Variants in LRP1B observed in about 807,000 individuals in gnomAD.
The protein encoded by LRP1B is LDL receptor related protein 1B, also known as low-density lipoprotein receptor-related protein 1B.
Under a neutral mutation model 556.6 loss-of-function variants are expected in LRP1B, and 217 were observed. That is an observed-to-expected ratio of 0.39 (90% CI 0.35 to 0.44). The LOEUF is 0.44. Ranked by LOEUF, LRP1B falls within the 20% of genes least tolerant of loss-of-function variation. The pLI is 1.00. For synonymous variants in LRP1B, 2,047 were observed against 1,865.8 expected (o/e 1.10, Z -2.50); for missense variants, 5,053 against 5,620.8 (o/e 0.90, Z 3.23).
At chr2:141,495,260 T>G (rs1462243048) in intron 2 of LRP1B, among the ~76,000 whole-genome samples, 1 of 152,098 alleles carries the variant, frequency 6.6e-6, no homozygotes. Flanking sequence ...CAGTGAGTCT[T>G]GTCTCCTCCA....
intron 32 of LRP1B, among the ~76,000 whole-genome samples, chr2:140,788,643 C>A (rs746004735): frequency 5.3e-5 from 8 of 152,108 alleles, no homozygotes; most frequent in Non-Finnish European, 1.0e-4. Flanking sequence ...TTTACATATG[C>A]TCAGTTTAGG....
At chr2:140,349,370 C>T (rs1681854070) in intron 77 of LRP1B, among the ~76,000 whole-genome samples, 2 of 151,842 alleles carry the variant, frequency 1.3e-5, no homozygotes, top group African/African-American at 4.8e-5. Flanking sequence ...GAACATTTTG[C>T]CAATTATCAT....
intron 2 of LRP1B, among the ~76,000 whole-genome samples, chr2:141,648,177 A>T (rs1241006267): frequency 2.0e-5 from 3 of 152,138 alleles, no homozygotes; most frequent in African/African-American, 7.2e-5. Context: ...TCATATTGGG[A>T]TAGTACAAAG....
intron 2 of LRP1B, among the ~76,000 whole-genome samples, chr2:141,482,165 C>G (rs4387729): frequency 0.9 from 136,751 of 152,130 alleles, 62,225 homozygotes; most frequent in East Asian, 1. Flanking sequence ...ATCATACAAG[C>G]AAAAAAACGA....
intron 1 of LRP1B, among the ~76,000 whole-genome samples, chr2:142,075,064 A>G (rs1257767693): frequency 6.6e-6 from 1 of 152,104 alleles, no homozygotes; most frequent in Non-Finnish European, 1.5e-5. Context: ...TTATCTTTCA[A>G]TCTTCATTAA....
At chr2:140,637,548 T>C (rs1684113605) in intron 41 of LRP1B, among the ~76,000 whole-genome samples, 1 of 152,246 alleles carries the variant, frequency 6.6e-6, no homozygotes, top group South Asian at 2.1e-4. Flanking sequence ...ATTCTGCTTC[T>C]GTATGAATTT....
At chr2:141,865,686 T>C (rs1239048532) in intron 1 of LRP1B, among the ~76,000 whole-genome samples, 2 of 152,040 alleles carry the variant, frequency 1.3e-5, no homozygotes, top group African/African-American at 4.8e-5. Flanking sequence ...ACTACATAGT[T>C]GGAGGTATGT....
intron 27 of LRP1B, among the ~76,000 whole-genome samples, chr2:140,857,978 C>A (rs1692668679): frequency 1.3e-5 from 2 of 151,964 alleles, no homozygotes; most frequent in Non-Finnish European, 2.9e-5. Context: ...TCTATTTTTA[C>A]AATGATTCTA....
chr2:141,469,692 T>C (rs550464054), intron 3 of LRP1B, among the ~76,000 whole-genome samples: 71 of 152,322 alleles, frequency 4.7e-4, no homozygotes, highest in Middle Eastern at 3.4e-3. Flanking sequence ...CTTATGAGCT[T>C]TCTCTATAGA....
chr2:141,035,024 G>A (rs2105421476), intron 11 of LRP1B, among the ~76,000 whole-genome samples: 1 of 152,146 alleles, frequency 6.6e-6, no homozygotes, highest in South Asian at 2.1e-4. Context: ...ATACTATGCA[G>A]CCATAAAAAA....
intron 21 of LRP1B, among the ~76,000 whole-genome samples, chr2:140,911,448 C>A (rs1032507977): frequency 6.6e-6 from 1 of 151,674 alleles, no homozygotes; most frequent in African/African-American, 2.4e-5. Flanking sequence ...AATATATTAG[C>A]TTATTTTAAA....
chr2:142,098,481 C>T (rs1706456424), intron 1 of LRP1B, among the ~76,000 whole-genome samples: 1 of 151,650 alleles, frequency 6.6e-6, no homozygotes, highest in African/African-American at 2.4e-5. Flanking sequence ...TTTTAAATGG[C>T]TCTTTAATTC....
intron 3 of LRP1B, among the ~76,000 whole-genome samples, chr2:141,387,397 TA>T (rs1219622299): frequency 2.0e-5 from 3 of 151,978 alleles, no homozygotes; most frequent in Non-Finnish European, 4.4e-5. Flanking sequence ...TTTGCTTCTT[TA>T]AAAGACAAAT....
chr2:140,470,264 G>A (rs1436685217), intron 60 of LRP1B, among the ~76,000 whole-genome samples: 1 of 152,088 alleles, frequency 6.6e-6, no homozygotes, highest in Non-Finnish European at 1.5e-5. Flanking sequence ...TTTCATCAAG[G>A]TTGAATGAGA....
rs151034194 is a variant in LRP1B at position 141,274,433 on chromosome 2, G to C, written c.344-19792C>G. On this transcript the variant is annotated intron_variant, in intron 3 of 90. Transcript: ENST00000389484. The stretch of plus-strand genomic sequence containing the variant: ...AGTAAAACTTGAAATCATTATGCTA[G>C]TGAAAGTAGTCAGTCACAGAAGACT... Among the ~76,000 whole-genome samples, 412 of 152,268 alleles carry C rather than the reference G, an allele frequency of 2.7e-3. 2 individuals carry two copies. The highest frequency in any genetic ancestry group is 9.3e-3 in the African/African-American group (388 of 41,564).
chr2:140,340,411 T>C (rs1681331625), intron 77 of LRP1B, among the ~76,000 whole-genome samples: 1 of 151,596 alleles, frequency 6.6e-6, no homozygotes, highest in Admixed American at 6.6e-5. Context: ...CTTAAATACA[T>C]ATCTATGGTA....
chr2:141,365,765 C>A (rs889214569), intron 3 of LRP1B, among the ~76,000 whole-genome samples: 6 of 150,862 alleles, frequency 4.0e-5, no homozygotes, highest in Admixed American at 4.0e-4. Flanking sequence ...ATCCGCCTCC[C>A]GGGTTCACAC....
At chr2:140,819,947 A>C (rs560719248) in intron 31 of LRP1B, among the ~76,000 whole-genome samples, 6 of 152,306 alleles carry the variant, frequency 3.9e-5, no homozygotes, top group Non-Finnish European at 8.8e-5. Flanking sequence ...TGGGAATTTA[A>C]CTCAGAGAAG....
intron 2 of LRP1B, among the ~76,000 whole-genome samples, chr2:141,564,742 T>C (rs1686273349): frequency 6.6e-6 from 1 of 152,050 alleles, no homozygotes; most frequent in Non-Finnish European, 1.5e-5. Flanking sequence ...AAGGGAAAGA[T>C]GGAGCTTCAT....
Sources: allele counts gnomAD v4.1 joint callset (sites outside exome capture counted in the v4.1 genomes callset), GRCh38; gene constraint gnomAD v4.1.1; transcripts MANE v1.5; gene names NCBI Gene and HGNC (gene_info 2026-07-23, HGNC 2026-07-21).